VIRMA: variants seen among roughly 807,000 people sequenced by gnomAD.
VIRMA encodes protein virilizer homolog.
In VIRMA, 65 loss-of-function variants were observed where a neutral mutation model predicts 182.4. That is an observed-to-expected ratio of 0.36 (90% CI 0.29 to 0.44). VIRMA has a LOEUF of 0.44. Among genes scored for constraint, VIRMA ranks in the 20% least tolerant of loss-of-function variants. VIRMA has a pLI of 1.00. For missense variants in VIRMA, 1,752 were observed against 2,158.1 expected (o/e 0.81, Z 3.73); for synonymous variants, 709 against 743.1 (o/e 0.95, Z 0.75).
chr8:94,543,986 A>G, intron 1 of VIRMA, 44 bp from the exon 2 acceptor site: 1 of 941,938 alleles, frequency 1.1e-6, no homozygotes, highest in Non-Finnish European at 1.7e-6. Context: ...TCGGAACATT[A>G]TGTAAAACAG....
chr8:94,533,834 G>A (rs1251336623), intron 5 of VIRMA: 2 of 152,068 alleles, frequency 1.3e-5, no homozygotes, highest in African/African-American at 2.4e-5. Flanking sequence ...TCAGCCTCTT[G>A]AGTAGCTGGG....
chr8:94,514,113 G>GTGCA (rs1401070109), intron 11 of VIRMA, among the ~76,000 whole-genome samples: 1 of 151,836 alleles, frequency 6.6e-6, no homozygotes, highest in African/African-American at 2.4e-5. Context: ...GCAAACACAC[G>GTGCA]TGCATGCATG....
rs79748810 is a variant in VIRMA at position 94,500,546 on chromosome 8, A to G, written c.4098-1040T>C. Reference sequence around the variant, plus strand: ...CCTATTAGAATGCCTAACATTTAAAAACTTGCAATACCAAGTTCTGGGGAG... The same window carrying G: ...CCTATTAGAATGCCTAACATTTAAAGACTTGCAATACCAAGTTCTGGGGAG... On this transcript the variant is annotated intron_variant, in intron 16 of 23. Transcript: ENST00000297591. Among the ~76,000 whole-genome samples, 8 of 152,194 alleles carry G rather than the reference A, an allele frequency of 5.3e-5. No individual in the cohort carries two copies. In the East Asian group the frequency reaches 1.5e-3, roughly 29 times the overall value.
Position 94,492,748 on chromosome 8 carries a change from C to A in VIRMA, c.4712G>T (p.Arg1571Leu), listed in dbSNP as rs751267865. Reference sequence around the variant, plus strand: ...AGATGATGGTTCTGACAAAAATGAGCGCTCTAATTCTGAGTGCAAATCAAA... The same window carrying A: ...AGATGATGGTTCTGACAAAAATGAGAGCTCTAATTCTGAGTGCAAATCAAA... ...SDFDLHSELE[R>L]SFLSEPSSPG... is the part of the protein sequence containing the mutation. The change falls in exon 21 of 24, where the codon CGC becomes CTC. Residue 1571 changes from arginine to leucine, a missense_variant. Arg to Leu is a moderately radical substitution (Grantham distance 102, BLOSUM62 -2). Coordinates refer to ENST00000297591, the MANE Select transcript of VIRMA (RefSeq NM_015496.5). The A allele has an allele frequency of 6.2e-7, 1 of 1,613,780 alleles. No individual in the cohort carries two copies. Among genetic ancestry groups the A allele is most frequent in the Non-Finnish European group, 8.5e-7 (1 of 1,179,782 alleles).
chr8:94,514,159 C>A lies in VIRMA; in HGVS notation c.2751+710G>T, dbSNP rs186063209. On this transcript the variant is annotated intron_variant, in intron 11 of 23. Transcript: ENST00000297591. ...CACACTCACGCACAGATTTCACCTG[C>A]GAAATGAGAGAGATAATTCAAGGTC... Among the ~76,000 whole-genome samples the A allele has an allele frequency of 6.6e-5, 10 of 152,210 alleles. No homozygotes were observed. In the East Asian group the frequency reaches 1.9e-3, roughly 29 times the overall value.
intron 15 of VIRMA, among the ~76,000 whole-genome samples, chr8:94,507,882 C>CATGTATATATGTATATAT (rs748461668): frequency 0.14 from 15,429 of 111,816 alleles, 1,262 homozygotes; most frequent in African/African-American, 0.22. Context: ...TATATATATA[C>CATGTATATATGTATATAT]ATGTATATAT....
chr8:94,528,971 AC>A, intron 7 of VIRMA, 98 bp downstream of exon 7: 1 of 1,485,354 alleles, frequency 6.7e-7, no homozygotes, highest in Non-Finnish European at 9.1e-7. Context: ...GTTTCTTGGA[AC>A]CCATTTATCT....
intron 3 of VIRMA, among the ~76,000 whole-genome samples, chr8:94,538,025 T>C (rs1367476134): frequency 6.6e-6 from 1 of 152,234 alleles, no homozygotes; most frequent in Non-Finnish European, 1.5e-5. Flanking sequence ...AAGAAACACA[T>C]GCACGAGTCA....
intron 1 of VIRMA, among the ~76,000 whole-genome samples, chr8:94,550,513 C>T (rs1160012404): frequency 6.6e-6 from 1 of 152,152 alleles, no homozygotes; most frequent in East Asian, 1.9e-4. Context: ...AGGATGGTCT[C>T]GATCTCCTGA....
rs773646725 is a variant in VIRMA at position 94,506,615 on chromosome 8, C to T, written c.3982G>A (p.Asp1328Asn). 6.2e-7 allele frequency: 1 copy of T among 1,613,606 alleles called. No individual in the cohort carries two copies. Among genetic ancestry groups the T allele is most frequent in the Non-Finnish European group, 8.5e-7 (1 of 1,179,654 alleles). ...TTAGCTAGCGTAGCCAACAGACAGTCACAGATTGAGGTCATCAATTCTTTA... is the reference window on the plus strand; with the variant it reads ...TTAGCTAGCGTAGCCAACAGACAGTTACAGATTGAGGTCATCAATTCTTTA... ...PNKELMTSIC[D>N]CLLATLANSE... The change falls in exon 16 of 24, where the codon GAC becomes AAC. Residue 1328 changes from aspartate (D) to asparagine (N), a missense_variant. By Grantham distance (23) the Asp-to-Asn change is conservative (BLOSUM62 1). Around this residue, in one of 11 missense-constraint regions of VIRMA, gnomAD observed 777 missense variants for 920.6 expected, o/e 0.84. Transcript: ENST00000297591.
Position 94,511,672 on chromosome 8 carries a change from C to G in VIRMA, c.2903G>C (p.Gly968Ala). 2 of 1,613,928 alleles carry G rather than the reference C, an allele frequency of 1.2e-6. No homozygotes were observed. The change falls in exon 13 of 24, where the codon GGA (glycine) becomes GCA (alanine). Residue 968 changes from glycine to alanine, a missense_variant. Gly to Ala is a moderately conservative substitution (Grantham distance 60). Transcript: ENST00000297591. ...LAVIQLFSAE[G>A]MDTFIRVLQK... ...CAGAACTCGAATAAACGTGTCCATT[C>G]CTTCAGCAGAAAAAAGCTGAATAAC... is the stretch of plus-strand genomic sequence containing the variant.
chr8:94,495,337 G>C (rs1379812577), intron 19 of VIRMA, among the ~76,000 whole-genome samples: 1 of 151,928 alleles, frequency 6.6e-6, no homozygotes, highest in Non-Finnish European at 1.5e-5. Flanking sequence ...TCTGTGGAAG[G>C]TACAATTAAA....
At chr8:94,518,645 A>G (rs1814643082) in intron 9 of VIRMA, among the ~76,000 whole-genome samples, 2 of 152,242 alleles carry the variant, frequency 1.3e-5, no homozygotes, top group South Asian at 4.1e-4. Context: ...GGAGCCAGCA[A>G]GAAAGTGTAA....
intron 5 of VIRMA, among the ~76,000 whole-genome samples, chr8:94,533,124 T>C (rs918464339): frequency 1.3e-5 from 2 of 150,096 alleles, no homozygotes; most frequent in Non-Finnish European, 3.0e-5. Context: ...AACACAAATA[T>C]ATGTAAAACA....
chr8:94,495,228 T>C (rs1813731681), intron 19 of VIRMA, among the ~76,000 whole-genome samples: 1 of 152,124 alleles, frequency 6.6e-6, no homozygotes, highest in South Asian at 2.1e-4. Flanking sequence ...AGTCTCAAAC[T>C]CCTGAGCTCA....
intron 6 of VIRMA, among the ~76,000 whole-genome samples, chr8:94,529,585 G>A (rs896126900): frequency 1.3e-5 from 2 of 151,734 alleles, no homozygotes; most frequent in Non-Finnish European, 2.9e-5. Context: ...AACTATACAC[G>A]TTTTTGTCTT....
At chr8:94,551,215 A>G (rs1399744463) in intron 1 of VIRMA, among the ~76,000 whole-genome samples, 1 of 152,124 alleles carries the variant, frequency 6.6e-6, no homozygotes, top group African/African-American at 2.4e-5. Flanking sequence ...TAAGCCAAAC[A>G]CCTTGATGAA....
At chr8:94,533,633 T>TTTTTTTTTTG (rs1554558910) in intron 5 of VIRMA, 1 of 144,072 alleles carries the variant, frequency 6.9e-6, no homozygotes, top group African/African-American at 2.5e-5. Flanking sequence ...TTTTTTTTTT[T>TTTTTTTTTTG]GGGAGGGGCA....
chr8:94,491,302 A>G (rs1813600929), intron 22 of VIRMA, among the ~76,000 whole-genome samples: 1 of 148,166 alleles, frequency 6.7e-6, no homozygotes, highest in Non-Finnish European at 1.5e-5. Flanking sequence ...CGACAGAGCA[A>G]GACTCTTGTC....
Sources: gnomAD v4.1 joint callset for allele counts (sites outside exome capture counted in the v4.1 genomes callset) on GRCh38, gnomAD v4.1.1 for gene constraint, gnomAD v4.1.1 regional missense constraint, MANE v1.5 for transcripts, NCBI Gene and HGNC (gene_info 2026-07-23, HGNC 2026-07-21) for gene names.